The following AGFG1 variants were observed in gnomAD, a reference collection of about 807,000 sequenced individuals.
AGFG1 encodes the protein ArfGAP with FG repeats 1, also known as arf-GAP domain and FG repeat-containing protein 1.
AGFG1 carries 10 observed loss-of-function variants against 60.6 expected under a neutral mutation model. The observed-to-expected ratio is 0.16, with a 90% CI of 0.10 to 0.28. The LOEUF is 0.28. AGFG1 is among the 10% of genes least tolerant of loss of function. AGFG1 has a pLI of 1.00. For missense variants in AGFG1, 537 were observed against 676.5 expected, an observed-to-expected ratio of 0.79 and a Z score of 2.29; for synonymous variants, 247 against 242.9, an observed-to-expected ratio of 1.02 and a Z score of -0.16.
intron 2 of AGFG1, among the ~76,000 whole-genome samples, chr2:227,502,006 G>A (rs561681936): frequency 6.6e-5 from 10 of 152,044 alleles, no homozygotes; most frequent in Admixed American, 5.2e-4. Flanking sequence ...CTACAGGTGC[G>A]TGCCACCATG....
At chr2:227,526,356 A>G (rs1691992730) in intron 5 of AGFG1, among the ~76,000 whole-genome samples, 3 of 150,170 alleles carry the variant, frequency 2.0e-5, no homozygotes, top group Admixed American at 6.6e-5. Context: ...ACAGCACCCG[A>G]AATTATATAC....
chr2:227,556,856 C>G lies in AGFG1; in HGVS notation c.*2361C>G, dbSNP rs76956015. 8,245 of 152,018 alleles carry G rather than the reference C, an allele frequency of 0.054. 294 individuals are homozygous for G. The highest frequency in any genetic ancestry group is 0.09 in the African/African-American group (3,743 of 41,420). The allele number at this position is 152,018 out of a possible 1,614,324, so 9.4% of individuals were successfully genotyped here. A position where few individuals can be genotyped will look rare whatever the true frequency, so the allele number is the denominator to read the frequency against. On this transcript the variant is annotated 3_prime_UTR_variant, in exon 13 of 13. Transcript: ENST00000310078. ...AGGTGAGGTGGGAACATCACTTGAG[C>G]CCAGGAGTTGGAGGCTGCAGTGCGC...
intron 5 of AGFG1, among the ~76,000 whole-genome samples, chr2:227,527,305 T>C (rs887946687): frequency 2.0e-5 from 3 of 152,144 alleles, no homozygotes; most frequent in Non-Finnish European, 4.4e-5. Flanking sequence ...ATCTAAAAGG[T>C]ACAATAAACA....
intron 2 of AGFG1, among the ~76,000 whole-genome samples, chr2:227,501,854 C>T (rs373607514): frequency 6.6e-6 from 1 of 151,442 alleles, no homozygotes; most frequent in South Asian, 2.1e-4. Context: ...TAAAATAACC[C>T]TCCTTCCTTT....
At chr2:227,526,545 T>G (rs1324121079) in intron 5 of AGFG1, among the ~76,000 whole-genome samples, 2 of 142,800 alleles carry the variant, frequency 1.4e-5, no homozygotes, top group Non-Finnish European at 3.1e-5. Flanking sequence ...GCCTCTTTTT[T>G]TTTTTTTTTT....
intron 3 of AGFG1, among the ~76,000 whole-genome samples, chr2:227,523,553 C>G (rs574258458): frequency 6.9e-4 from 105 of 152,210 alleles, no homozygotes; most frequent in African/African-American, 2.5e-3. Context: ...TTAGTCTTCT[C>G]TTTTCTCTGA....
At chr2:227,523,049 A>G (rs1255424305) in intron 3 of AGFG1, among the ~76,000 whole-genome samples, 1 of 152,200 alleles carries the variant, frequency 6.6e-6, no homozygotes, top group African/African-American at 2.4e-5. Flanking sequence ...TGTGGTTAAC[A>G]TCCATGTGTA....
chr2:227,502,316 T>A (rs1341264273), intron 2 of AGFG1, among the ~76,000 whole-genome samples: 1 of 152,026 alleles, frequency 6.6e-6, no homozygotes, highest in East Asian at 1.9e-4. Context: ...CTGTGGTTTT[T>A]TGTTTTTTGT....
intron 2 of AGFG1, among the ~76,000 whole-genome samples, chr2:227,496,472 G>C (rs889750780): frequency 2.6e-5 from 4 of 151,548 alleles, no homozygotes; most frequent in Non-Finnish European, 4.4e-5. Context: ...ATAGCCTGCT[G>C]TGTGCCAGGA....
chr2:227,504,875 G>C (rs1378414363), intron 2 of AGFG1, among the ~76,000 whole-genome samples: 2 of 152,182 alleles, frequency 1.3e-5, no homozygotes, highest in Non-Finnish European at 2.9e-5. Context: ...TGAGTGTACA[G>C]TGTGTACTTG....
At chr2:227,532,387 GTTAC>G (rs767251540) in intron 6 of AGFG1, among the ~76,000 whole-genome samples, 5 of 152,214 alleles carry the variant, frequency 3.3e-5, no homozygotes, top group African/African-American at 4.8e-5. Context: ...CAATCAAAGA[GTTAC>G]TTGGTTTAAT....
chr2:227,518,946 G>A (rs939759092), intron 2 of AGFG1, among the ~76,000 whole-genome samples: 5 of 152,128 alleles, frequency 3.3e-5, no homozygotes, highest in Admixed American at 6.5e-5. Context: ...GCTGAGGCGG[G>A]CAGATCGCTT....
chr2:227,494,939 C>T (rs1430227347), intron 2 of AGFG1, among the ~76,000 whole-genome samples: 2 of 152,132 alleles, frequency 1.3e-5, no homozygotes, highest in Admixed American at 6.5e-5. Flanking sequence ...CTGTGGTAAG[C>T]AAATAATGTT....
chr2:227,507,056 C>G (rs1439751026), intron 2 of AGFG1, among the ~76,000 whole-genome samples: 1 of 152,036 alleles, frequency 6.6e-6, no homozygotes, highest in Non-Finnish European at 1.5e-5. Flanking sequence ...ATGCTCAGTG[C>G]CTACATCCAC....
In AGFG1 at chr2:227,555,140, T is replaced by A. The variant is rs543515447; in HGVS notation, c.*645T>A. On this transcript the variant is annotated 3_prime_UTR_variant, in exon 13 of 13. Transcript: ENST00000310078. ...ATAAAATATGCTATTGTTTTTGTGT[T>A]CTTGCTGCAATGCCTTTACCAAAGT... is the stretch of plus-strand genomic sequence containing the variant. 20 of 152,740 alleles carry A rather than the reference T, an allele frequency of 1.3e-4. No individual in the cohort carries two copies. Among genetic ancestry groups the A allele is most frequent in the African/African-American group, 4.3e-4 (18 of 41,584 alleles). The allele number at this position is 152,740 out of a possible 1,614,324, so 9.5% of individuals were successfully genotyped here. A position where few individuals can be genotyped will look rare whatever the true frequency, so the allele number is the denominator to read the frequency against.
At position 227,533,765 on chromosome 2, in the gene AGFG1, A is replaced by G. The variant is rs747896217; in HGVS notation, c.1024+7A>G. 1.2e-6 allele frequency: 2 copies of G among 1,610,008 alleles called. No individual in the cohort carries two copies. The highest frequency in any genetic ancestry group is 1.3e-5 in the African/African-American group (1 of 74,820). ...ATCTTCAGTGCCGGGCAAGGTATCA[A>G]GCTTTAAGCAAAACAAATACAAATT... On this transcript the variant is annotated splice_region_variant and intron_variant, in intron 7 of 12. Transcript: ENST00000310078.
At chr2:227,512,358 G>T (rs932787755) in intron 2 of AGFG1, among the ~76,000 whole-genome samples, 12 of 152,170 alleles carry the variant, frequency 7.9e-5, no homozygotes, top group Non-Finnish European at 1.5e-5. Context: ...GTTTTTGTTT[G>T]TGCAGGCATC....
chr2:227,492,956 G>A (rs1690862775), intron 2 of AGFG1, among the ~76,000 whole-genome samples: 1 of 152,030 alleles, frequency 6.6e-6, no homozygotes, highest in South Asian at 2.1e-4. Flanking sequence ...TTGGCTTAGT[G>A]TGCAAAATTT....
At chr2:227,484,677 G>GTT (rs34405103) in intron 1 of AGFG1, among the ~76,000 whole-genome samples, 4 of 115,898 alleles carry the variant, frequency 3.5e-5, no homozygotes, top group African/African-American at 1.3e-4. Flanking sequence ...AGATCTCTTA[G>GTT]TTTTTTTTTT....
Sources: gnomAD v4.1 joint callset for allele counts (sites outside exome capture counted in the v4.1 genomes callset) on GRCh38, gnomAD v4.1.1 for gene constraint, MANE v1.5 for transcripts, NCBI Gene and HGNC (gene_info 2026-07-23, HGNC 2026-07-21) for gene names.